Variants in PRKAR2A observed in about 807,000 individuals in gnomAD.
PRKAR2A encodes the protein cAMP-dependent protein kinase type II-alpha regulatory subunit.
PRKAR2A carries 29 observed loss-of-function variants against 51.9 expected under a neutral mutation model. The ratio of observed to expected loss-of-function variants is 0.56; its 90% CI spans 0.42 to 0.76. PRKAR2A has a LOEUF of 0.76. Among genes scored for constraint, PRKAR2A ranks in the 30% least tolerant of loss-of-function variants. The pLI is 0.00. For synonymous variants in PRKAR2A, 178 were observed against 186.2 expected (o/e 0.96, Z 0.36); for missense variants, 445 against 512.1 (o/e 0.87, Z 1.26).
intron 1 of PRKAR2A, among the ~76,000 whole-genome samples, chr3:48,831,437 G>A (rs2083186400): frequency 6.8e-6 from 1 of 147,950 alleles, no homozygotes; most frequent in South Asian, 2.1e-4. Context: ...CATGATCACG[G>A]CTCACTGTAG....
At chr3:48,807,519 A>T (rs761106577) in intron 2 of PRKAR2A, 130 bp downstream of exon 2, 1 of 713,652 alleles carries the variant, frequency 1.4e-6, no homozygotes, top group Non-Finnish European at 2.4e-6. Context: ...TAAAGAAACC[A>T]TAGGTAATTT....
At position 48,751,033 on chromosome 3, in the gene PRKAR2A, G is replaced by C; in HGVS notation, c.*552C>G. ...TGCAGCTGTCAGCAGAAAGTACAAT[G>C]CCACTGGGCTACATATGTCCATATC... On this transcript the variant is annotated 3_prime_UTR_variant, in exon 11 of 11. Coordinates refer to ENST00000265563, the MANE Select transcript of PRKAR2A (RefSeq NM_004157.4). 3.1e-6 allele frequency: 1 copy of C among 323,354 alleles called. No individual in the cohort carries two copies. Among genetic ancestry groups the C allele is most frequent in the Non-Finnish European group, 6.1e-6 (1 of 164,986 alleles). 20.0% of individuals were successfully genotyped at this position (323,354 alleles called of 1,614,324 possible).
intron 4 of PRKAR2A, among the ~76,000 whole-genome samples, chr3:48,785,839 G>A (rs2082282692): frequency 6.6e-6 from 1 of 152,080 alleles, no homozygotes; most frequent in Admixed American, 6.6e-5. Context: ...TTGCACACAA[G>A]AGAAAAAGCA....
At position 48,769,835 on chromosome 3, in the gene PRKAR2A, T is replaced by C. The variant is rs566407740; in HGVS notation, c.696+3120A>G. ...TGTCACTCAGCAGGCTGGAGTGTAG[T>C]GGCATGATCACAGCTCACTGCAGCC... is the stretch of plus-strand genomic sequence containing the variant. On this transcript the variant is annotated intron_variant, in intron 6 of 10. Coordinates refer to ENST00000265563, the MANE Select transcript of PRKAR2A (RefSeq NM_004157.4). Among the ~76,000 whole-genome samples, 66 of 152,034 alleles carry C rather than the reference T, an allele frequency of 4.3e-4. 1 individual carries two copies. Among genetic ancestry groups the C allele is most frequent in the Middle Eastern group, 6.8e-3 (2 of 294 alleles).
intron 1 of PRKAR2A, among the ~76,000 whole-genome samples, chr3:48,818,222 T>C (rs2082903706): frequency 6.6e-6 from 1 of 152,184 alleles, no homozygotes; most frequent in South Asian, 2.1e-4. Context: ...CAAGGCATCC[T>C]GTTAAAAGCA....
intron 4 of PRKAR2A, 39 bp downstream of exon 4, chr3:48,790,505 A>C (rs979403210): frequency 7.1e-7 from 1 of 1,408,070 alleles, no homozygotes; most frequent in African/African-American, 1.5e-5. Flanking sequence ...CAAAGCTAAA[A>C]GATCATTATA....
chr3:48,818,057 C>G (rs79976495), intron 1 of PRKAR2A, among the ~76,000 whole-genome samples: 172 of 152,260 alleles, frequency 1.1e-3, no homozygotes, highest in Non-Finnish European at 2.1e-3. Flanking sequence ...ATTAATTATA[C>G]ATAAATATTA....
At chr3:48,796,306 A>C (rs1052154452) in intron 2 of PRKAR2A, among the ~76,000 whole-genome samples, 2 of 152,212 alleles carry the variant, frequency 1.3e-5, no homozygotes, top group Non-Finnish European at 2.9e-5. Flanking sequence ...GGTGTCAGGC[A>C]CAGTAAGGAG....
chr3:48,802,415 G>C (rs776442338), intron 2 of PRKAR2A, among the ~76,000 whole-genome samples: 1 of 151,680 alleles, frequency 6.6e-6, no homozygotes, highest in Non-Finnish European at 1.5e-5. Flanking sequence ...AGATACAGAA[G>C]CAAGAGTCTG....
chr3:48,787,125 C>A (rs2082306002), intron 4 of PRKAR2A, among the ~76,000 whole-genome samples: 1 of 151,672 alleles, frequency 6.6e-6, no homozygotes, highest in African/African-American at 2.4e-5. Context: ...GATCCTCTAC[C>A]AGAAAAAAGA....
chr3:48,785,258 ATTTTTTTTT>A (rs1198962303), intron 4 of PRKAR2A, among the ~76,000 whole-genome samples: 137 of 123,890 alleles, frequency 1.1e-3, no homozygotes, highest in Non-Finnish European at 1.9e-3. Context: ...GGCCTGGATA[ATTTTTTTTT>A]TTTTTTTTTT....
intron 1 of PRKAR2A, among the ~76,000 whole-genome samples, chr3:48,808,283 T>G (rs1168039493): frequency 6.6e-6 from 1 of 152,116 alleles, no homozygotes; most frequent in Non-Finnish European, 1.5e-5. Flanking sequence ...AGACGGAGTC[T>G]CGCTCTGTCG....
At chr3:48,831,091 G>A (rs910794438) in intron 1 of PRKAR2A, among the ~76,000 whole-genome samples, 8 of 152,194 alleles carry the variant, frequency 5.3e-5, no homozygotes, top group African/African-American at 1.2e-4. Context: ...GTGGGGACCC[G>A]GGATGTACTA....
chr3:48,836,415 C>A (rs1177196533), intron 1 of PRKAR2A, among the ~76,000 whole-genome samples: 1 of 27,620 alleles, frequency 3.6e-5, no homozygotes, highest in Admixed American at 4.9e-4. Context: ...TGCGAGACTC[C>A]GTCTAAAAAA....
At chr3:48,769,481 T>C (rs1216233750) in intron 6 of PRKAR2A, among the ~76,000 whole-genome samples, 1 of 142,144 alleles carries the variant, frequency 7.0e-6, no homozygotes, top group Non-Finnish European at 1.6e-5. Flanking sequence ...TTACAGCGAC[T>C]TTTTTTTTTT....
At chr3:48,846,213 CT>C (rs1488301892) in intron 1 of PRKAR2A, among the ~76,000 whole-genome samples, 2 of 106,882 alleles carry the variant, frequency 1.9e-5, no homozygotes, top group East Asian at 3.6e-4. Flanking sequence ...TGGGTTTTTC[CT>C]TTTTCTTTTT....
intron 8 of PRKAR2A, among the ~76,000 whole-genome samples, chr3:48,759,640 G>A (rs1237348656): frequency 6.6e-6 from 1 of 152,118 alleles, no homozygotes; most frequent in Non-Finnish European, 1.5e-5. Context: ...GCCTGCCTCG[G>A]CCTCCCTAAG....
rs535189429 is a variant in PRKAR2A at position 48,765,753 on chromosome 3, C to T, written c.697-404G>A. ...AAAAAAAAAAAAAAAAAAAAAGAGA[C>T]ACCTCACCAAAAGAGAGAATAAAAC... On this transcript the variant is annotated intron_variant, in intron 6 of 10. Coordinates refer to ENST00000265563, the MANE Select transcript of PRKAR2A (RefSeq NM_004157.4). 1.6e-3 allele frequency among the ~76,000 whole-genome samples: 156 copies of T among 98,482 alleles called. No individual in the cohort carries two copies. The Middle Eastern group carries it at 0.033, about 21-fold the overall frequency. The allele number at this position is 98,482 out of a possible 152,430, so 64.6% of individuals were successfully genotyped here.
At chr3:48,774,996 T>C (rs1391456132) in intron 5 of PRKAR2A, among the ~76,000 whole-genome samples, 5 of 152,212 alleles carry the variant, frequency 3.3e-5, no homozygotes, top group Non-Finnish European at 7.3e-5. Flanking sequence ...TTTTAATAAA[T>C]GCCTTTAGTC....
Sources: allele counts gnomAD v4.1 joint callset (sites outside exome capture counted in the v4.1 genomes callset), GRCh38; gene constraint gnomAD v4.1.1; transcripts MANE v1.5; gene names NCBI Gene and HGNC (gene_info 2026-07-23, HGNC 2026-07-21).